CADM2: variants seen among roughly 807,000 people sequenced by gnomAD.
CADM2 encodes immunoglobulin superfamily member 4D.
Under a neutral mutation model 49.8 loss-of-function variants are expected in CADM2, and 12 were observed. The observed-to-expected ratio is 0.24, with a 90% confidence interval of 0.15 to 0.39. The LOEUF (loss-of-function observed/expected upper bound fraction) is 0.39, where lower values mean the gene tolerates loss of function less well. CADM2 is among the 10% of genes least tolerant of loss of function. CADM2 has a pLI of 1.00. For synonymous variants in CADM2, 214 were observed against 175.4 expected (o/e 1.22, Z -1.74); for missense variants, 378 against 492.3 (o/e 0.77, Z 2.20).
At chr3:85,540,834 CT>C (rs1226691384) in intron 1 of CADM2, among the ~76,000 whole-genome samples, 1 of 152,154 alleles carries the variant, frequency 6.6e-6, no homozygotes, top group East Asian at 1.9e-4. Context: ...GGTTTAGCTT[CT>C]CCTGAAGCCT....
chr3:85,968,554 C>T (rs1288102141), intron 8 of CADM2, among the ~76,000 whole-genome samples: 1 of 151,546 alleles, frequency 6.6e-6, no homozygotes, highest in African/African-American at 2.4e-5. Context: ...ACCGTCATTC[C>T]TGCCTTCTAT....
intron 1 of CADM2, among the ~76,000 whole-genome samples, chr3:85,503,911 G>C (rs142352653): frequency 2.9e-3 from 438 of 152,290 alleles, no homozygotes; most frequent in Middle Eastern, 6.8e-3. Context: ...AATGTATTAC[G>C]TGTGAATAAG....
At chr3:85,982,352 C>T (rs1479968940) in intron 8 of CADM2, among the ~76,000 whole-genome samples, 1 of 151,430 alleles carries the variant, frequency 6.6e-6, no homozygotes, top group African/African-American at 2.4e-5. Context: ...CGTACACACA[C>T]AAAAAGATAT....
chr3:85,820,268 CAG>C (rs1362142256), intron 3 of CADM2, among the ~76,000 whole-genome samples: 1 of 152,062 alleles, frequency 6.6e-6, no homozygotes, highest in Non-Finnish European at 1.5e-5. Flanking sequence ...GAGAAACGAG[CAG>C]AGAGTGTTGA....
At chr3:85,285,353 G>C (rs1223410778) in intron 1 of CADM2, among the ~76,000 whole-genome samples, 1 of 152,012 alleles carries the variant, frequency 6.6e-6, no homozygotes, top group African/African-American at 2.4e-5. Flanking sequence ...AGTATCGATA[G>C]GTAGTTCAAA....
At chr3:85,896,146 C>T (rs919400039) in intron 5 of CADM2, among the ~76,000 whole-genome samples, 1 of 151,978 alleles carries the variant, frequency 6.6e-6, no homozygotes, top group Non-Finnish European at 1.5e-5. Flanking sequence ...TAAAAATTAG[C>T]TGGGTGTGGT....
intron 2 of CADM2, among the ~76,000 whole-genome samples, chr3:85,797,960 C>T (rs1400166936): frequency 2.0e-5 from 3 of 152,074 alleles, no homozygotes; most frequent in South Asian, 4.2e-4. Flanking sequence ...TTCTAACAGG[C>T]ATGAGATAGT....
chr3:85,631,081 T>C (rs2064291653), intron 1 of CADM2, among the ~76,000 whole-genome samples: 3 of 152,100 alleles, frequency 2.0e-5, no homozygotes, highest in African/African-American at 7.2e-5. Flanking sequence ...TCATCACATA[T>C]ATGCCTACCA....
intron 1 of CADM2, among the ~76,000 whole-genome samples, chr3:85,247,359 T>C (rs960757635): frequency 2.0e-5 from 3 of 152,126 alleles, no homozygotes; most frequent in Non-Finnish European, 4.4e-5. Context: ...ACATGAAAGA[T>C]AATCTTTTTT....
chr3:85,201,923 A>G (rs2041513113), intron 1 of CADM2, among the ~76,000 whole-genome samples: 1 of 152,018 alleles, frequency 6.6e-6, no homozygotes, highest in African/African-American at 2.4e-5. Flanking sequence ...TCTACTAAAA[A>G]TACAAAAATT....
At chr3:85,760,920 T>A (rs1443362317) in intron 2 of CADM2, among the ~76,000 whole-genome samples, 1 of 152,196 alleles carries the variant, frequency 6.6e-6, no homozygotes, top group Non-Finnish European at 1.5e-5. Flanking sequence ...ACCCTTTAAA[T>A]ATTGTGAACA....
At position 85,660,035 on chromosome 3, in the gene CADM2, A is replaced by C. The variant is rs576287056; in HGVS notation, c.62-66487A>C. The stretch of plus-strand genomic sequence containing the variant: ...AAGAATTCACAAATTTAAATTGTCA[A>C]CTAGCTGACAGTGAATGTTTGAGGT... On this transcript the variant is annotated intron_variant, in intron 1 of 9. Coordinates refer to ENST00000383699, the MANE Select transcript of CADM2 (RefSeq NM_001167675.2). Among the ~76,000 whole-genome samples, 3 of 152,224 alleles carry C rather than the reference A, an allele frequency of 2.0e-5. No individual in the cohort carries two copies. In the East Asian group the frequency reaches 5.8e-4, roughly 29 times the overall value.
chr3:85,988,398 G>C (rs1728371020), intron 8 of CADM2, among the ~76,000 whole-genome samples: 2 of 152,242 alleles, frequency 1.3e-5, no homozygotes, highest in South Asian at 4.1e-4. Flanking sequence ...TCTGAAATAT[G>C]TACATAACAT....
At chr3:85,100,181 C>G (rs1249243664) in intron 1 of CADM2, among the ~76,000 whole-genome samples, 2 of 152,120 alleles carry the variant, frequency 1.3e-5, no homozygotes, top group African/African-American at 4.8e-5. Context: ...TTTCTTTATA[C>G]TTCAGTATCT....
chr3:85,568,467 T>TTCATTCTTTCTTTCTTTCTCTTTC (rs2062361902), intron 1 of CADM2, among the ~76,000 whole-genome samples: 2 of 24,538 alleles, frequency 8.2e-5, no homozygotes, highest in Admixed American at 4.0e-4. Flanking sequence ...TTCTTTCTCT[T>TTCATTCTTTCTTTCTTTCTCTTTC]TCTCTCTCTT....
At chr3:85,402,363 A>G (rs1236517410) in intron 1 of CADM2, among the ~76,000 whole-genome samples, 1 of 152,064 alleles carries the variant, frequency 6.6e-6, no homozygotes, top group Non-Finnish European at 1.5e-5. Flanking sequence ...AATTCCTTCT[A>G]TATAGCTACA....
chr3:85,705,257 G>A (rs2066907856), intron 1 of CADM2, among the ~76,000 whole-genome samples: 1 of 150,496 alleles, frequency 6.6e-6, no homozygotes, highest in African/African-American at 2.4e-5. Flanking sequence ...AATAAGCAAG[G>A]ACGTTTTGTA....
chr3:85,139,589 A>C, intron 1 of CADM2, among the ~76,000 whole-genome samples: 1 of 152,140 alleles, frequency 6.6e-6, no homozygotes, highest in East Asian at 1.9e-4. Context: ...AGAATTATAT[A>C]TACTTATTCT....
intron 8 of CADM2, among the ~76,000 whole-genome samples, chr3:86,031,657 AAAG>A (rs1734571475): frequency 6.6e-6 from 1 of 151,794 alleles, no homozygotes; most frequent in Admixed American, 6.6e-5. Flanking sequence ...GTACCTTCCA[AAAG>A]AATAGCTCAT....
Sources: allele counts gnomAD v4.1 joint callset (sites outside exome capture counted in the v4.1 genomes callset), GRCh38; gene constraint gnomAD v4.1.1; transcripts MANE v1.5; gene names NCBI Gene and HGNC (gene_info 2026-07-23, HGNC 2026-07-21).